Variants in EYS observed in about 807,000 individuals in gnomAD.
EYS encodes protein eyes shut homolog.
EYS carries 250 observed loss-of-function variants against 282.1 expected under a neutral mutation model. That is an observed-to-expected ratio of 0.89 (90% CI 0.80 to 0.98). EYS has a LOEUF of 0.98. Ranked by LOEUF, EYS falls within the 50% of genes least tolerant of loss-of-function variation. EYS has a pLI of 0.00. For synonymous variants in EYS, 1,355 were observed against 1,282.9 expected (o/e 1.06, Z -1.20); for missense variants, 4,016 against 3,709.0 (o/e 1.08, Z -2.15).
chr6:65,468,492 T>A (rs1338606975), intron 5 of EYS, among the ~76,000 whole-genome samples: 1 of 152,096 alleles, frequency 6.6e-6, no homozygotes, highest in Non-Finnish European at 1.5e-5. Context: ...GTTATTTATT[T>A]ATTTATTTAG....
intron 41 of EYS, among the ~76,000 whole-genome samples, chr6:63,753,842 T>G (rs954967893): frequency 6.6e-6 from 1 of 152,214 alleles, no homozygotes; most frequent in Non-Finnish European, 1.5e-5. Flanking sequence ...AGGGGTTTAC[T>G]TATATATGCA....
intron 2 of EYS, among the ~76,000 whole-genome samples, chr6:65,530,717 C>A (rs1767736270): frequency 6.6e-6 from 1 of 152,088 alleles, no homozygotes; most frequent in African/African-American, 2.4e-5. Context: ...CTTTACACCT[C>A]AGTTTATGAA....
In EYS at chr6:65,184,021, A is replaced by G. The variant is rs1765456761; in HGVS notation, c.2023+111842T>C. Among the ~76,000 whole-genome samples the G allele has an allele frequency of 2.0e-5, 3 of 151,984 alleles. No homozygotes were observed. The South Asian group carries it at 6.2e-4, about 31-fold the overall frequency. On this transcript the variant is annotated intron_variant, in intron 12 of 42. Transcript: ENST00000503581. ...CATAATTATATCATTTGACTAAAGT[A>G]AATTCATAGTCTTTTGTTGCACTGA...
chr6:64,271,327 C>G (rs531755879), intron 30 of EYS, among the ~76,000 whole-genome samples: 1 of 152,128 alleles, frequency 6.6e-6, no homozygotes, highest in African/African-American at 2.4e-5. Flanking sequence ...TTGTCCTACA[C>G]ATTTGTATCT....
chr6:64,042,619 G>C (rs1403497741), intron 33 of EYS, among the ~76,000 whole-genome samples: 2 of 152,148 alleles, frequency 1.3e-5, no homozygotes, highest in Non-Finnish European at 2.9e-5. Flanking sequence ...TACCTCTCCA[G>C]ATTCACTTCT....
At chr6:65,193,420 G>A (rs548031967) in intron 12 of EYS, among the ~76,000 whole-genome samples, 7 of 151,728 alleles carry the variant, frequency 4.6e-5, no homozygotes, top group Admixed American at 6.6e-5. Context: ...CTATATAAGG[G>A]ACAGACATCG....
chr6:64,948,570 T>C (rs375076346), intron 14 of EYS, among the ~76,000 whole-genome samples: 1 of 139,698 alleles, frequency 7.2e-6, no homozygotes, highest in South Asian at 2.2e-4. Flanking sequence ...TTTAATATTT[T>C]AATATTAAAT....
chr6:64,557,388 T>C (rs1021901310), intron 26 of EYS, among the ~76,000 whole-genome samples: 2 of 152,016 alleles, frequency 1.3e-5, no homozygotes, highest in African/African-American at 4.8e-5. Context: ...TTCTTTTCAA[T>C]GTTAAAATAT....
intron 22 of EYS, among the ~76,000 whole-genome samples, chr6:64,766,649 A>AAAAAATAT (rs1387919586): frequency 5.2e-5 from 1 of 19,048 alleles, no homozygotes; most frequent in Non-Finnish European, 1.0e-4. Context: ...AAAAAAAAAA[A>AAAAAATAT]ATATATATAT....
intron 12 of EYS, among the ~76,000 whole-genome samples, chr6:65,134,453 G>A (rs1457619622): frequency 1.3e-5 from 2 of 152,034 alleles, no homozygotes; most frequent in Non-Finnish European, 2.9e-5. Flanking sequence ...GCAGGGACAT[G>A]GATACAGCTG....
intron 28 of EYS, among the ~76,000 whole-genome samples, chr6:64,427,235 C>A (rs986903180): frequency 2.0e-5 from 3 of 152,102 alleles, no homozygotes; most frequent in African/African-American, 7.2e-5. Context: ...TGGATATGGA[C>A]TTAATGTATT....
At chr6:64,496,765 C>T (rs1280228951) in intron 26 of EYS, among the ~76,000 whole-genome samples, 3 of 151,988 alleles carry the variant, frequency 2.0e-5, no homozygotes, top group South Asian at 2.1e-4. Context: ...TTAAACTTTG[C>T]GGATGCTAAT....
At chr6:65,428,235 T>C (rs1431670445) in intron 5 of EYS, among the ~76,000 whole-genome samples, 1 of 152,118 alleles carries the variant, frequency 6.6e-6, no homozygotes, top group African/African-American at 2.4e-5. Context: ...TCTGAAAATT[T>C]ATTCTAAAAT....
chr6:64,961,878 C>A (rs748463203), intron 14 of EYS, among the ~76,000 whole-genome samples: 1 of 151,934 alleles, frequency 6.6e-6, no homozygotes, highest in Non-Finnish European at 1.5e-5. Flanking sequence ...ATTTCTGAAG[C>A]GGTTTTTCTA....
intron 22 of EYS, among the ~76,000 whole-genome samples, chr6:64,650,035 C>T (rs1352116395): frequency 6.6e-6 from 1 of 151,920 alleles, no homozygotes; most frequent in Admixed American, 6.6e-5. Context: ...AATTTGATAT[C>T]TAACAAAATT....
chr6:65,181,288 A>G (rs1244568355), intron 12 of EYS, among the ~76,000 whole-genome samples: 1 of 152,186 alleles, frequency 6.6e-6, no homozygotes, highest in African/African-American at 2.4e-5. Flanking sequence ...GAGTGGGAGA[A>G]AATTTTTGCA....
intron 34 of EYS, among the ~76,000 whole-genome samples, chr6:63,993,995 T>C (rs564299221): frequency 2.0e-5 from 3 of 152,012 alleles, no homozygotes; most frequent in Non-Finnish European, 4.4e-5. Flanking sequence ...CATGGACACA[T>C]GGTCAAATGA....
chr6:65,373,298 C>T (rs778520907), intron 8 of EYS, among the ~76,000 whole-genome samples: 17 of 152,080 alleles, frequency 1.1e-4, no homozygotes, highest in Admixed American at 2.0e-4. Context: ...ATGTTTCCAT[C>T]AAACCAAATC....
chr6:65,322,685 C>T (rs1178138922), intron 11 of EYS, among the ~76,000 whole-genome samples: 1 of 151,604 alleles, frequency 6.6e-6, no homozygotes, highest in South Asian at 2.1e-4. Context: ...GTCCCAGCTA[C>T]TCAGGAGGCT....
Sources: allele counts gnomAD v4.1 joint callset (sites outside exome capture counted in the v4.1 genomes callset), GRCh38; gene constraint gnomAD v4.1.1; transcripts MANE v1.5; gene names NCBI Gene and HGNC (gene_info 2026-07-23, HGNC 2026-07-21).